TNIK: variants seen among roughly 807,000 people sequenced by gnomAD.
The protein encoded by TNIK is TRAF2 and NCK-interacting protein kinase.
TNIK carries 49 observed loss-of-function variants against 191.3 expected under a neutral mutation model. The ratio of observed to expected loss-of-function variants is 0.26; its 90% CI spans 0.20 to 0.32. The LOEUF (loss-of-function observed/expected upper bound fraction) is 0.32, where lower values mean the gene tolerates loss of function less well. TNIK is among the 10% of genes least tolerant of loss of function. The probability of loss-of-function intolerance (pLI) is 1.00; values close to 1 mark genes in which losing one functional copy is unlikely to be tolerated. For missense variants in TNIK, 1,155 were observed against 1,702.3 expected (o/e 0.68, Z 5.66); for synonymous variants, 594 against 600.9 (o/e 0.99, Z 0.17).
intron 1 of TNIK, among the ~76,000 whole-genome samples, chr3:171,379,322 C>T (rs1717699284): frequency 6.6e-6 from 1 of 152,078 alleles, no homozygotes; most frequent in African/African-American, 2.4e-5. Flanking sequence ...TAAGTATATA[C>T]AACTAAGAAT....
intron 1 of TNIK, among the ~76,000 whole-genome samples, chr3:171,441,864 T>A (rs764586025): frequency 2.7e-4 from 41 of 152,236 alleles, no homozygotes; most frequent in East Asian, 1.9e-4. Flanking sequence ...GGATAAAGGT[T>A]TGACTTTATC....
At chr3:171,066,091 G>T in intron 32 of TNIK, 96 bp downstream of exon 32, 1 of 1,466,200 alleles carries the variant, frequency 6.8e-7, no homozygotes, top group Non-Finnish European at 9.3e-7. Context: ...TAACACAGAT[G>T]TGATTCAAAT....
intron 2 of TNIK, among the ~76,000 whole-genome samples, chr3:171,334,423 C>T (rs1053369118): frequency 6.6e-6 from 1 of 152,118 alleles, no homozygotes; most frequent in Non-Finnish European, 1.5e-5. Flanking sequence ...GAGGGCAGCA[C>T]AGAAAGCATC....
At chr3:171,397,261 C>G (rs374553736) in intron 1 of TNIK, among the ~76,000 whole-genome samples, 1 of 152,214 alleles carries the variant, frequency 6.6e-6, no homozygotes, top group East Asian at 1.9e-4. Context: ...CTACAGTCTG[C>G]TACACTCCCC....
At chr3:171,406,629 C>A (rs1721726023) in intron 1 of TNIK, among the ~76,000 whole-genome samples, 1 of 152,182 alleles carries the variant, frequency 6.6e-6, no homozygotes, top group Non-Finnish European at 1.5e-5. Flanking sequence ...GAGACAGGAT[C>A]TCACTGTTGC....
chr3:171,131,932 T>G (rs1374028933), intron 15 of TNIK, among the ~76,000 whole-genome samples: 1 of 152,230 alleles, frequency 6.6e-6, no homozygotes, highest in African/African-American at 2.4e-5. Flanking sequence ...TTATGTCTGC[T>G]GACTGAACAG....
At chr3:171,337,643 C>T (rs536056355) in intron 2 of TNIK, among the ~76,000 whole-genome samples, 1 of 152,328 alleles carries the variant, frequency 6.6e-6, no homozygotes, top group East Asian at 1.9e-4. Context: ...TTCTTACCTG[C>T]TGACTGGATC....
intron 10 of TNIK, among the ~76,000 whole-genome samples, chr3:171,164,476 G>A (rs993019079): frequency 5.9e-5 from 9 of 152,144 alleles, no homozygotes; most frequent in South Asian, 2.1e-4. Context: ...GCATTACCTC[G>A]TTTAATCTTT....
intron 2 of TNIK, among the ~76,000 whole-genome samples, chr3:171,348,387 C>T (rs1712601868): frequency 6.6e-6 from 1 of 152,070 alleles, no homozygotes; most frequent in Non-Finnish European, 1.5e-5. Context: ...ATTCCAAATA[C>T]ATTTCATTTT....
rs370845595 is a variant in TNIK at position 171,126,267 on chromosome 3, TAGAG to T, written c.1774-120_1774-117del. 609 of 1,313,746 alleles carry T rather than the reference TAGAG, an allele frequency of 4.6e-4. 2 individuals are homozygous for T. In the African/African-American group the frequency reaches 6.5e-3, roughly 14 times the overall value. 81.4% of individuals were successfully genotyped at this position (1,313,746 alleles called of 1,614,324 possible). Reference sequence around the variant, plus strand: ...GTTCAAGGGCACAAAAATTGGACTATAGAGAGTCTATCACAACTATATATAGCAT... The same window carrying T: ...GTTCAAGGGCACAAAAATTGGACTATAGTCTATCACAACTATATATAGCAT... On this transcript the variant is annotated intron_variant, in intron 16 of 32. Transcript: ENST00000436636.
At chr3:171,187,606 T>C (rs1737520790) in intron 7 of TNIK, among the ~76,000 whole-genome samples, 1 of 152,098 alleles carries the variant, frequency 6.6e-6, no homozygotes, top group Non-Finnish European at 1.5e-5. Context: ...AATTGATAAA[T>C]TGGAGATTTA....
chr3:171,117,795 C>T (rs568935278), intron 18 of TNIK, among the ~76,000 whole-genome samples: 82 of 152,144 alleles, frequency 5.4e-4, no homozygotes, highest in African/African-American at 2.0e-3. Context: ...AGGGTGAAAC[C>T]CCGTCTCTAC....
chr3:171,276,112 G>A (rs904516497), intron 2 of TNIK, among the ~76,000 whole-genome samples: 4 of 152,082 alleles, frequency 2.6e-5, no homozygotes, highest in Admixed American at 2.6e-4. Flanking sequence ...GGAGCTGGAC[G>A]AAAATAATTT....
At chr3:171,069,282 G>A (rs1454378532) in intron 29 of TNIK, among the ~76,000 whole-genome samples, 2 of 152,146 alleles carry the variant, frequency 1.3e-5, no homozygotes, top group African/African-American at 2.4e-5. Context: ...CCTGGTGCCT[G>A]GGTATTGCTG....
intron 18 of TNIK, among the ~76,000 whole-genome samples, chr3:171,115,201 C>CTGG (rs1210952620): frequency 6.6e-6 from 1 of 152,188 alleles, no homozygotes; most frequent in Non-Finnish European, 1.5e-5. Flanking sequence ...AGGAGGGTAG[C>CTGG]TGGTGATAAA....
chr3:171,460,240 G>T lies in TNIK; in HGVS notation c.-177C>A. 2 of 764,634 alleles carry T rather than the reference G, an allele frequency of 2.6e-6. No homozygotes were observed. The highest frequency in any genetic ancestry group is 4.2e-6 in the Non-Finnish European group (2 of 476,058). The allele number at this position is 764,634 out of a possible 1,614,324, so 47.4% of individuals were successfully genotyped here. A position where few individuals can be genotyped will look rare whatever the true frequency, so the allele number is the denominator to read the frequency against. ...CCGGATCCCGATCCTCCGCGCGTCG[G>T]TCCGCCGGGTCCGGGAGCCCAGCCT... On this transcript the variant is annotated 5_prime_UTR_variant, in exon 1 of 33. Transcript: ENST00000436636. This position sits in a 1 kb window ranked among gnomAD's most constrained non-coding sequence, Gnocchi z 6.8.
Position 171,125,896 on chromosome 3 carries a change from C to T in TNIK, c.2013+16G>A. 6.2e-7 allele frequency: 1 copy of T among 1,613,188 alleles called. No individual in the cohort carries two copies. Among genetic ancestry groups the T allele is most frequent in the South Asian group, 1.1e-5 (1 of 90,856 alleles). ...GTGATGCTGGTGATTAAAAAAAACACCCCAGTAAATATTACCTTTGGTGGA... is the reference window on the plus strand; with the variant it reads ...GTGATGCTGGTGATTAAAAAAAACATCCCAGTAAATATTACCTTTGGTGGA... On this transcript the variant is annotated intron_variant, in intron 17 of 32. Transcript: ENST00000436636.
intron 3 of TNIK, among the ~76,000 whole-genome samples, chr3:171,212,205 C>T (rs1740917714): frequency 6.6e-6 from 1 of 152,106 alleles, no homozygotes; most frequent in Admixed American, 6.6e-5. Flanking sequence ...TGCACTGCCT[C>T]CTTCCAGTGT....
chr3:171,376,730 C>CAGATAGATAGATGATAGATAGATAGAT (rs1553765143), intron 1 of TNIK, among the ~76,000 whole-genome samples: 1 of 146,684 alleles, frequency 6.8e-6, no homozygotes, highest in African/African-American at 2.6e-5. Flanking sequence ...TAAATATATA[C>CAGATAGATAGATGATAGATAGATAGAT]AGATAGATAG....
Sources: gnomAD v4.1 joint callset for allele counts (sites outside exome capture counted in the v4.1 genomes callset) on GRCh38, gnomAD v4.1.1 for gene constraint, Gnocchi (gnomAD v3.1) non-coding constraint, MANE v1.5 for transcripts, NCBI Gene and HGNC (gene_info 2026-07-23, HGNC 2026-07-21) for gene names.